The following LPAR6 variants were observed in gnomAD, a reference collection of about 807,000 sequenced individuals.
LPAR6 encodes the protein G-protein coupled purinergic receptor P2Y5.
In LPAR6, 17 loss-of-function variants were observed where a neutral mutation model predicts 22.0. The observed-to-expected ratio is 0.77, with a 90% CI of 0.53 to 1.16. The LOEUF (loss-of-function observed/expected upper bound fraction) is 1.16. Ranked by LOEUF, LPAR6 falls within the 50% of genes most tolerant of loss-of-function variation. The pLI, the probability that LPAR6 is intolerant of heterozygous loss-of-function variation, is 0.00. For synonymous variants in LPAR6, 136 were observed against 139.8 expected (o/e 0.97, Z 0.19); for missense variants, 384 against 406.9 (o/e 0.94, Z 0.48).
At chr13:48,406,165 A>G (rs113401863), downstream of LPAR6, among the ~76,000 whole-genome samples, 194 of 152,100 alleles carry the variant, frequency 1.3e-3, no homozygotes, top group Non-Finnish European at 1.0e-3. Context: ...CTTGAGGATC[A>G]ATACCTAGAA....
chr13:48,422,654 G>A (rs1949023844), exon 2 of LPAR6: 1 of 152,062 alleles, frequency 6.6e-6, no homozygotes, highest in African/African-American at 2.4e-5. Context: ...AATTACCTGG[G>A]TGTGGTGATG....
chr13:48,418,412 A>T (rs543884153), intron 2 of LPAR6, among the ~76,000 whole-genome samples: 3 of 152,340 alleles, frequency 2.0e-5, no homozygotes, highest in East Asian at 1.9e-4. Flanking sequence ...AATTGGTCCC[A>T]GCCACTGCAA....
upstream of LPAR6, among the ~76,000 whole-genome samples, chr13:48,416,967 G>T (rs112543862): frequency 3.4e-4 from 52 of 152,194 alleles, no homozygotes; most frequent in Non-Finnish European, 5.7e-4. Context: ...AGCACCTGGG[G>T]GAAGGGTGCT....
intron 1 of LPAR6, among the ~76,000 whole-genome samples, chr13:48,438,670 A>G (rs952102941): frequency 5.3e-5 from 8 of 152,158 alleles, no homozygotes; most frequent in Admixed American, 5.2e-4. Context: ...TGACTGGACA[A>G]TTTACTCCTT....
chr13:48,443,102 T>C (rs1949253922), intron 1 of LPAR6, among the ~76,000 whole-genome samples: 1 of 152,000 alleles, frequency 6.6e-6, no homozygotes, highest in Admixed American at 6.6e-5. Context: ...TATAAAATTA[T>C]GTCATTGATA....
chr13:48,393,952 T>C (rs2138165145), intron 1 of LPAR6, among the ~76,000 whole-genome samples: 1 of 152,308 alleles, frequency 6.6e-6, no homozygotes. Context: ...ATACTTAGGA[T>C]GGGCTGGCAA....
chr13:48,403,622 T>C (rs1948713376), intron 1 of LPAR6, among the ~76,000 whole-genome samples: 1 of 152,094 alleles, frequency 6.6e-6, no homozygotes, highest in Admixed American at 6.6e-5. Flanking sequence ...TGTTTGGCAA[T>C]GGTCCTCAAA....
upstream of LPAR6, among the ~76,000 whole-genome samples, chr13:48,413,945 C>T (rs879478218): frequency 1.3e-5 from 2 of 152,172 alleles, no homozygotes; most frequent in Non-Finnish European, 2.9e-5. Flanking sequence ...CCTCCCAGCT[C>T]TTCCCTTAAC....
At chr13:48,420,099 G>A (rs896473142) in intron 2 of LPAR6, among the ~76,000 whole-genome samples, 29 of 152,056 alleles carry the variant, frequency 1.9e-4, no homozygotes, top group Admixed American at 3.3e-4. Flanking sequence ...AGAAAATTTC[G>A]GCCAATATCC....
At chr13:48,436,804 C>T (rs561343732) in intron 1 of LPAR6, among the ~76,000 whole-genome samples, 2 of 152,140 alleles carry the variant, frequency 1.3e-5, no homozygotes, top group Non-Finnish European at 2.9e-5. Context: ...TTTCCTCTTG[C>T]GAGGCAAAAC....
At chr13:48,398,384 A>G (rs1948664523) in intron 1 of LPAR6, among the ~76,000 whole-genome samples, 1 of 152,070 alleles carries the variant, frequency 6.6e-6, no homozygotes, top group Admixed American at 6.6e-5. Context: ...TCAAAACTGA[A>G]ATTATTTAGC....
Position 48,412,765 on chromosome 13 carries a change from T to C in LPAR6, c.-342A>G. On this transcript the variant is annotated 5_prime_UTR_variant, in exon 1 of 1. Coordinates refer to ENST00000620633, the MANE Select transcript of LPAR6 (RefSeq NM_001162498.3). Reference sequence around the variant, plus strand: ...ATAAATTTAAAGAAAAGCTGTGATCTGTGACCAGAATGAAACCACTTGTCT... The same window carrying C: ...ATAAATTTAAAGAAAAGCTGTGATCCGTGACCAGAATGAAACCACTTGTCT... 1 of 328,986 alleles carries C rather than the reference T, an allele frequency of 3.0e-6. No homozygotes were observed. The highest frequency in any genetic ancestry group is 6.1e-6 in the Non-Finnish European group (1 of 165,014). 20.4% of individuals were successfully genotyped at this position (328,986 alleles called of 1,614,324 possible).
At chr13:48,439,752 G>C (rs1220153840) in intron 1 of LPAR6, 1 of 152,074 alleles carries the variant, frequency 6.6e-6, no homozygotes, top group Non-Finnish European at 1.5e-5. Context: ...AAATTTGCCT[G>C]AGTTTTTAGT....
At chr13:48,416,102 TG>T (rs1458256014), upstream of LPAR6, among the ~76,000 whole-genome samples, 2 of 152,190 alleles carry the variant, frequency 1.3e-5, no homozygotes, top group African/African-American at 4.8e-5. Context: ...ATGGATTTTT[TG>T]GGGGGAGCGA....
rs548716350 is a variant in LPAR6, at chr13:48,435,983, A to G, written c.-1474+8570T>C. Among the ~76,000 whole-genome samples the G allele has an allele frequency of 3.3e-5, 5 of 152,366 alleles. No homozygotes were observed. In the East Asian group the frequency reaches 9.6e-4, roughly 29 times the overall value. ...AGATTATCAGAGTGGATGAAAAACA[A>G]AACCCAACTCTATGCTATCTAAAAG... is the stretch of plus-strand genomic sequence containing the variant. On this transcript the variant is annotated intron_variant, in intron 1 of 6. Coordinates refer to the LPAR6 transcript ENST00000378434.
At chr13:48,443,581 T>C (rs1949258952) in intron 1 of LPAR6, among the ~76,000 whole-genome samples, 1 of 152,234 alleles carries the variant, frequency 6.6e-6, no homozygotes, top group South Asian at 2.1e-4. Flanking sequence ...AAACTGAAAG[T>C]ACTTTCATTC....
chr13:48,413,537 CTA>C (rs1948855247), upstream of LPAR6, among the ~76,000 whole-genome samples: 1 of 152,116 alleles, frequency 6.6e-6, no homozygotes, highest in Admixed American at 6.5e-5. Flanking sequence ...TGTTTAATGA[CTA>C]TGAAACAGGG....
At chr13:48,434,962 A>G (rs1363895888) in intron 1 of LPAR6, among the ~76,000 whole-genome samples, 1 of 152,210 alleles carries the variant, frequency 6.6e-6, no homozygotes, top group Non-Finnish European at 1.5e-5. Context: ...TTGGCCAGAC[A>G]CATGTTGAAG....
intron 1 of LPAR6, chr13:48,404,292 T>C (rs1407099457): frequency 6.6e-6 from 1 of 152,188 alleles, no homozygotes; most frequent in Non-Finnish European, 1.5e-5. Flanking sequence ...GAAAGGCAGT[T>C]CTTCCTAGGA....
Sources: gnomAD v4.1 joint callset for allele counts (sites outside exome capture counted in the v4.1 genomes callset) on GRCh38, gnomAD v4.1.1 for gene constraint, MANE v1.5 for transcripts, NCBI Gene and HGNC (gene_info 2026-07-23, HGNC 2026-07-21) for gene names.